Variants in ZNF573 observed in about 807,000 individuals in gnomAD.
The protein encoded by ZNF573 is zinc finger protein 573.
A neutral mutation model predicts 57.4 loss-of-function variants in ZNF573; 41 were observed. That is an observed-to-expected ratio of 0.71 (90% CI 0.56 to 0.93). ZNF573 has a LOEUF of 0.93. Ranked by LOEUF, ZNF573 falls within the 40% of genes least tolerant of loss-of-function variation. The pLI is 0.00. For missense variants in ZNF573, 730 were observed against 794.8 expected, an observed-to-expected ratio of 0.92 and a Z score of 0.98; for synonymous variants, 249 against 261.0, an observed-to-expected ratio of 0.95 and a Z score of 0.44.
At chr19:37,741,822 C>T (rs1367126252) in intron 4 of ZNF573, among the ~76,000 whole-genome samples, 1 of 152,094 alleles carries the variant, frequency 6.6e-6, no homozygotes, top group African/African-American at 2.4e-5. Context: ...GAAGTTCTGG[C>T]CAGGGCAATC....
intron 4 of ZNF573, among the ~76,000 whole-genome samples, chr19:37,758,199 T>TTAAAAAAAAAAAA (rs1555742418): frequency 8.4e-5 from 1 of 11,874 alleles, no homozygotes; most frequent in South Asian, 3.4e-3. Context: ...TAAAGTATAA[T>TTAAAAAAAAAAAA]AAAATATATA....
chr19:37,765,058 AC>A (rs2035858024), intron 4 of ZNF573, among the ~76,000 whole-genome samples: 1 of 151,952 alleles, frequency 6.6e-6, no homozygotes, highest in Non-Finnish European at 1.5e-5. Context: ...GGTAGCCGCC[AC>A]AATGCCTGGC....
intron 4 of ZNF573, among the ~76,000 whole-genome samples, chr19:37,747,876 C>T (rs1013644260): frequency 1.3e-5 from 2 of 152,128 alleles, no homozygotes; most frequent in South Asian, 2.1e-4. Context: ...TTAGTAGAGA[C>T]GGGGTTTCAC....
At position 37,738,716 on chromosome 19, in the gene ZNF573, T is replaced by G. The variant is rs941450673; in HGVS notation, c.1774A>C (p.Lys592Gln). The change falls in exon 5 of 5, where the codon AAA becomes CAA. Residue 592 changes from lysine to glutamine, a missense_variant. Lys to Gln is a moderately conservative substitution (Grantham distance 53). Transcript: ENST00000536220. ...YECKECGKAF[K>Q]MYGYLTQHQK... Reference sequence around the variant, plus strand: ...TGTTGGGTAAGGTAGCCATACATTTTAAAGGCCTTTCCACATTCTTTACAT... The same window carrying G: ...TGTTGGGTAAGGTAGCCATACATTTGAAAGGCCTTTCCACATTCTTTACAT... 5.6e-6 allele frequency: 9 copies of G among 1,612,814 alleles called. No individual in the cohort carries two copies. Among genetic ancestry groups the G allele is most frequent in the Non-Finnish European group, 7.6e-6 (9 of 1,179,640 alleles).
intron 1 of ZNF573, among the ~76,000 whole-genome samples, chr19:37,775,009 TC>T (rs1568425447): frequency 5.4e-5 from 8 of 147,538 alleles, no homozygotes; most frequent in African/African-American, 7.5e-5. Context: ...CTAAACTCTC[TC>T]TCTTTTTTTT....
intron 4 of ZNF573, chr19:37,740,465 G>A (rs1022538616): frequency 3.2e-5 from 15 of 470,224 alleles, no homozygotes; most frequent in Admixed American, 1.5e-4. Flanking sequence ...TATTGGCACC[G>A]TCAAAGACCA....
intron 2 of ZNF573, chr19:37,772,889 C>G: frequency 1.1e-6 from 1 of 933,994 alleles, no homozygotes; most frequent in Non-Finnish European, 1.3e-6. Context: ...CCCGCCTTGG[C>G]CTCCCACAGT....
At chr19:37,765,653 T>C (rs2045595282) in intron 4 of ZNF573, among the ~76,000 whole-genome samples, 1 of 151,944 alleles carries the variant, frequency 6.6e-6, no homozygotes, top group South Asian at 2.1e-4. Flanking sequence ...GAGGTTGCAG[T>C]GAGCTGAGAT....
intron 4 of ZNF573, among the ~76,000 whole-genome samples, chr19:37,766,929 A>G (rs192385681): frequency 2.6e-5 from 4 of 152,354 alleles, no homozygotes; most frequent in Admixed American, 6.5e-5. Flanking sequence ...GCGTTTGCTC[A>G]TAACTGCACG....
chr19:37,744,800 G>C (rs919634248), intron 4 of ZNF573, among the ~76,000 whole-genome samples: 88 of 139,664 alleles, frequency 6.3e-4, no homozygotes, highest in African/African-American at 2.3e-3. Flanking sequence ...TTTTTTTTTT[G>C]AGATGGCATC....
At chr19:37,765,179 C>A (rs1028589041) in intron 4 of ZNF573, among the ~76,000 whole-genome samples, 1 of 152,000 alleles carries the variant, frequency 6.6e-6, no homozygotes, top group Non-Finnish European at 1.5e-5. Flanking sequence ...AGGCGTGAGC[C>A]ACCACACCCA....
At chr19:37,771,738 GA>G in intron 2 of ZNF573, 42 bp from the exon 3 acceptor site, 1 of 1,568,526 alleles carries the variant, frequency 6.4e-7, no homozygotes, top group Non-Finnish European at 8.6e-7. Context: ...ACATTTTAAA[GA>G]AGGAAAGATA....
chr19:37,779,212 C>A (rs1384958388), intron 1 of ZNF573, among the ~76,000 whole-genome samples: 3 of 152,140 alleles, frequency 2.0e-5, no homozygotes, highest in African/African-American at 7.2e-5. Context: ...CACTCACTCA[C>A]CTGTCACAGC....
intron 4 of ZNF573, among the ~76,000 whole-genome samples, chr19:37,745,039 C>T (rs1475470856): frequency 1.3e-5 from 2 of 151,786 alleles, no homozygotes; most frequent in Non-Finnish European, 2.9e-5. Context: ...ACTTTGGCCT[C>T]CCAAAGTGCT....
At chr19:37,774,543 G>T (rs1324814900) in intron 1 of ZNF573, among the ~76,000 whole-genome samples, 1 of 152,180 alleles carries the variant, frequency 6.6e-6, no homozygotes, top group Non-Finnish European at 1.5e-5. Context: ...GTTCTGTGTT[G>T]AGCACAAACT....
intron 4 of ZNF573, among the ~76,000 whole-genome samples, chr19:37,761,772 T>C (rs550922686): frequency 1.3e-5 from 2 of 152,342 alleles, no homozygotes; most frequent in South Asian, 2.1e-4. Context: ...GTCCATACTT[T>C]GTTAAACCTA....
chr19:37,753,728 A>G (rs2045460886), intron 4 of ZNF573, among the ~76,000 whole-genome samples: 1 of 152,208 alleles, frequency 6.6e-6, no homozygotes, highest in Admixed American at 6.5e-5. Context: ...TATGACTTCA[A>G]AAAACAAAAA....
rs955418620 is a variant in ZNF573 at position 37,769,974 on chromosome 19, C to T, written c.295+31G>A. 2.7e-5 allele frequency: 41 copies of T among 1,524,456 alleles called. No homozygotes were observed. In the East Asian group the frequency reaches 4.7e-4, roughly 17 times the overall value. 94.4% of individuals were successfully genotyped at this position (1,524,456 alleles called of 1,614,324 possible). On this transcript the variant is annotated intron_variant, in intron 4 of 4. Transcript: ENST00000536220. Reference sequence around the variant, plus strand: ...TTTCTCTTACCACATGGGCTGTGGCCGGCCCTGATGGTGTCCCCTGCCTTC... The same window carrying T: ...TTTCTCTTACCACATGGGCTGTGGCTGGCCCTGATGGTGTCCCCTGCCTTC...
chr19:37,755,333 T>C (rs1345710100), intron 4 of ZNF573: 1 of 152,206 alleles, frequency 6.6e-6, no homozygotes, highest in African/African-American at 2.4e-5. Flanking sequence ...GATAATAAAC[T>C]TTATTTCAAG....
Sources: allele counts gnomAD v4.1 joint callset (sites outside exome capture counted in the v4.1 genomes callset), GRCh38; gene constraint gnomAD v4.1.1; transcripts MANE v1.5; gene names NCBI Gene and HGNC (gene_info 2026-07-23, HGNC 2026-07-21).